The following RASGRP3 variants were observed in gnomAD, a reference collection of about 807,000 sequenced individuals.
RASGRP3 encodes the protein RAS guanyl releasing protein 3.
A neutral mutation model predicts 82.7 loss-of-function variants in RASGRP3; 54 were observed. The observed-to-expected ratio is 0.65, with a 90% CI of 0.52 to 0.82. The LOEUF (loss-of-function observed/expected upper bound fraction) is 0.82, where lower values mean the gene tolerates loss of function less well. Among genes scored for constraint, RASGRP3 ranks in the 40% least tolerant of loss-of-function variants. RASGRP3 has a pLI of 0.00. For synonymous variants in RASGRP3, 309 were observed against 300.5 expected (o/e 1.03, Z -0.29); for missense variants, 861 against 828.9 (o/e 1.04, Z -0.48).
At chr2:33,509,276 C>G (rs897350317) in intron 1 of RASGRP3, among the ~76,000 whole-genome samples, 8 of 152,050 alleles carry the variant, frequency 5.3e-5, no homozygotes, top group Non-Finnish European at 1.2e-4. Context: ...GTGGCACATG[C>G]TTGTAATCAC....
chr2:33,541,617 C>G (rs1254237413), intron 12 of RASGRP3, among the ~76,000 whole-genome samples: 1 of 147,116 alleles, frequency 6.8e-6, no homozygotes, highest in East Asian at 1.9e-4. Context: ...ATTAATGTTT[C>G]TGTAATGATT....
chr2:33,515,311 TG>T, intron 3 of RASGRP3, 105 bp downstream of exon 3: 2 of 1,275,572 alleles, frequency 1.6e-6, no homozygotes, highest in Non-Finnish European at 2.3e-6. Context: ...CTCTGTACCT[TG>T]GTATTTAAGG....
rs142406024 is a variant in RASGRP3, at chr2:33,541,876, T to C, written c.1279-1636T>C. ...AGAAAGGCCTTTTTCACACAAAGAT[T>C]ATGAAACATGAAAAATATTTTCATC... On this transcript the variant is annotated intron_variant, in intron 12 of 17. Coordinates refer to ENST00000403687, the MANE Select transcript of RASGRP3 (RefSeq NM_001139488.2). 3.9e-4 allele frequency among the ~76,000 whole-genome samples: 57 copies of C among 147,680 alleles called. 2 individuals are homozygous for C. The highest frequency in any genetic ancestry group is 1.3e-3 in the African/African-American group (54 of 41,304).
intron 12 of RASGRP3, among the ~76,000 whole-genome samples, chr2:33,542,182 A>G (rs1294695400): frequency 6.8e-6 from 1 of 147,500 alleles, no homozygotes; most frequent in East Asian, 1.9e-4. Context: ...TAAGATTATT[A>G]GTCATTTAAC....
At chr2:33,559,060 C>T (rs747442935) in intron 17 of RASGRP3, 30 bp downstream of exon 17, 2 of 1,525,372 alleles carry the variant, frequency 1.3e-6, no homozygotes, top group Non-Finnish European at 1.8e-6. Flanking sequence ...ACAAAGAAAA[C>T]CAGAAGAAGG....
intron 2 of RASGRP3, among the ~76,000 whole-genome samples, chr2:33,455,331 C>G (rs1242834294): frequency 2.6e-5 from 4 of 152,166 alleles, no homozygotes; most frequent in Non-Finnish European, 5.9e-5. Flanking sequence ...ATGTTCTGGA[C>G]TCAGTTACTG....
At chr2:33,442,565 T>A (rs1405260640) in intron 1 of RASGRP3, among the ~76,000 whole-genome samples, 1 of 152,248 alleles carries the variant, frequency 6.6e-6, no homozygotes, top group Non-Finnish European at 1.5e-5. Context: ...TGACGGCCTC[T>A]CCTCCAAGTA....
Position 33,520,677 on chromosome 2 carries a change from T to C in RASGRP3, c.361T>C (p.Ser121Pro). 2 of 1,613,916 alleles carry C rather than the reference T, an allele frequency of 1.2e-6. No individual in the cohort carries two copies. Among genetic ancestry groups the C allele is most frequent in the Non-Finnish European group, 1.7e-6 (2 of 1,179,834 alleles). ...AAAACACGTCAGCCTCATCGACATA[T>C]CCAGCATGTAAGAGTGGCACCGACG... Reference protein sequence around the residue: ...YEKHVSLIDISSIPSYDWMRR... With the variant: ...YEKHVSLIDIPSIPSYDWMRR... Residue 121 changes from serine to proline, a missense_variant, in exon 6 of 18, where the codon TCC (serine) becomes CCC (proline). By Grantham distance (74) the Ser-to-Pro change is moderately conservative (BLOSUM62 -1). Transcript: ENST00000403687.
At chr2:33,504,473 A>C (rs968339522) in intron 1 of RASGRP3, among the ~76,000 whole-genome samples, 3 of 152,240 alleles carry the variant, frequency 2.0e-5, no homozygotes, top group Admixed American at 2.0e-4. Context: ...TGCTAAATAG[A>C]CAATAAACAT....
rs372381371 is a variant in RASGRP3, at chr2:33,527,411, C to T, written c.1082C>T (p.Thr361Met). Residue 361 changes from threonine to methionine, a missense_variant and splice_region_variant, in exon 10 of 18, where the codon ACG becomes ATG. Physicochemically the swap from Thr to Met is moderately conservative, Grantham distance 81. Transcript: ENST00000403687. Reference protein sequence around the residue: ...EPNMDLINLLTLSLDLYHTED... With the variant: ...EPNMDLINLLMLSLDLYHTED... ...AACATGGATTTGATCAACCTGCTCA[C>T]GGTGAGTTCCAAGGAGCCAAGTTTG... 14 of 1,610,784 alleles carry T rather than the reference C, an allele frequency of 8.7e-6. 1 individual carries two copies. The highest frequency in any genetic ancestry group is 6.7e-5 in the East Asian group (3 of 44,792).
chr2:33,505,119 C>T (rs56765766), intron 1 of RASGRP3, among the ~76,000 whole-genome samples: 5,684 of 151,614 alleles, frequency 0.037, 354 homozygotes, highest in African/African-American at 0.13. Flanking sequence ...CCTCTTCCTC[C>T]TCCTCCATAT....
intron 7 of RASGRP3, among the ~76,000 whole-genome samples, chr2:33,522,550 GT>G (rs1363231696): frequency 6.6e-6 from 1 of 152,190 alleles, no homozygotes; most frequent in Non-Finnish European, 1.5e-5. Context: ...ACATCAGGTT[GT>G]TTCTTTCCCA....
intron 1 of RASGRP3, among the ~76,000 whole-genome samples, chr2:33,509,804 G>A (rs1421309184): frequency 2.0e-5 from 3 of 152,134 alleles, no homozygotes; most frequent in Admixed American, 1.3e-4. Flanking sequence ...AGCCACTCTA[G>A]TATTCTGTTC....
intron 12 of RASGRP3, among the ~76,000 whole-genome samples, chr2:33,540,678 T>G (rs1032726281): frequency 3.5e-5 from 5 of 143,196 alleles, no homozygotes; most frequent in African/African-American, 1.2e-4. Flanking sequence ...TCTCTTCCCT[T>G]TTCTCCAAAT....
In RASGRP3 at chr2:33,526,708, C is replaced by T. The variant is rs552124018; in HGVS notation, c.808-429C>T. ...ATATAGAACCACAGCTATCTCACAC[C>T]GCATTGCAACTTTCTCTACCCCATA... On this transcript the variant is annotated intron_variant, in intron 9 of 17. Coordinates refer to ENST00000403687, the MANE Select transcript of RASGRP3 (RefSeq NM_001139488.2). 5.9e-5 allele frequency among the ~76,000 whole-genome samples: 9 copies of T among 152,302 alleles called. No homozygotes were observed. In the South Asian group the frequency reaches 1.0e-3, roughly 18 times the overall value.
rs1286237181 is a variant in RASGRP3, at chr2:33,518,466, C to T, written c.174-1486C>T. Among the ~76,000 whole-genome samples the T allele has an allele frequency of 2.6e-5, 4 of 152,234 alleles. No homozygotes were observed. The East Asian group carries it at 7.7e-4, about 29-fold the overall frequency. The stretch of plus-strand genomic sequence containing the variant: ...GGAGAGTGAATGTGAAGGCCTAGGA[C>T]ATTAGTGTACAATATTGTAGACTTT... On this transcript the variant is annotated intron_variant, in intron 4 of 17. Transcript: ENST00000403687.
At chr2:33,461,104 C>G (rs558051605) in intron 2 of RASGRP3, among the ~76,000 whole-genome samples, 5 of 152,320 alleles carry the variant, frequency 3.3e-5, no homozygotes, top group African/African-American at 1.2e-4. Flanking sequence ...ATTAAGGAAT[C>G]AACACCCATC....
rs560601456 is a variant in RASGRP3, at chr2:33,477,757, C to T, written c.-261+1050C>T. Among the ~76,000 whole-genome samples, 16 of 152,252 alleles carry T rather than the reference C, an allele frequency of 1.1e-4. No individual in the cohort carries two copies. The South Asian group carries it at 1.7e-3, about 16-fold the overall frequency. The stretch of plus-strand genomic sequence containing the variant: ...AGAGGGCAGAGCTCTAAACTGATGA[C>T]GTAAAGCTCTGAAAGTGACAGGTCT... On this transcript the variant is annotated intron_variant, in intron 1 of 17. Transcript: ENST00000403687.
intron 2 of RASGRP3, chr2:33,448,002 C>G (rs998475874): frequency 6.6e-6 from 1 of 152,154 alleles, no homozygotes; most frequent in East Asian, 1.9e-4. Flanking sequence ...ATTTTAAACA[C>G]ATAAAATCTG....
Sources: allele counts gnomAD v4.1 joint callset (sites outside exome capture counted in the v4.1 genomes callset), GRCh38; gene constraint gnomAD v4.1.1; transcripts MANE v1.5; gene names NCBI Gene and HGNC (gene_info 2026-07-23, HGNC 2026-07-21).